Variants in SMIM41 observed in about 807,000 individuals in gnomAD.
SMIM41 encodes small integral membrane protein 41.
intron 2 of SMIM41, among the ~76,000 whole-genome samples, chr12:52,099,206 C>G (rs1940166087): frequency 1.3e-5 from 2 of 151,670 alleles, no homozygotes; most frequent in Admixed American, 1.3e-4. Context: ...TGTACACTCC[C>G]TGCAACATGA....
chr12:52,086,419 C>T (rs1301548696), intron 2 of SMIM41, among the ~76,000 whole-genome samples: 1 of 152,228 alleles, frequency 6.6e-6, no homozygotes, highest in Non-Finnish European at 1.5e-5. Context: ...TTAGAATATA[C>T]TCTTTCATGC....
intron 2 of SMIM41, among the ~76,000 whole-genome samples, chr12:52,106,138 T>C (rs1940334899): frequency 6.6e-6 from 1 of 152,192 alleles, no homozygotes; most frequent in Admixed American, 6.5e-5. Flanking sequence ...AGACAGGACA[T>C]TTTATTTTGT....
At chr12:52,101,962 C>T (rs1940225680) in intron 2 of SMIM41, among the ~76,000 whole-genome samples, 1 of 152,200 alleles carries the variant, frequency 6.6e-6, no homozygotes, top group African/African-American at 2.4e-5. Flanking sequence ...ATCCGCCCAC[C>T]TCGGCCTCCC....
intron 2 of SMIM41, chr12:52,093,742 C>G (rs1940042100): frequency 6.6e-6 from 1 of 152,234 alleles, no homozygotes; most frequent in Admixed American, 6.5e-5. Flanking sequence ...TGGCTGAAGA[C>G]TGTCAGGTCG....
intron 2 of SMIM41, among the ~76,000 whole-genome samples, chr12:52,105,440 A>G (rs544036099): frequency 3.6e-4 from 55 of 152,306 alleles, no homozygotes; most frequent in Middle Eastern, 3.4e-3. Context: ...CCTGTGGTTA[A>G]GACCTCTGAG....
chr12:52,108,218 C>T lies in SMIM41; in HGVS notation c.*1035C>T. 1 of 187,690 alleles carries T rather than the reference C, an allele frequency of 5.3e-6. No homozygotes were observed. Among genetic ancestry groups the T allele is most frequent in the Non-Finnish European group, 1.1e-5 (1 of 90,990 alleles). The allele number at this position is 187,690 out of a possible 1,614,324, so 11.6% of individuals were successfully genotyped here. A position where few individuals can be genotyped will look rare whatever the true frequency, so the allele number is the denominator to read the frequency against. On this transcript the variant is annotated 3_prime_UTR_variant, in exon 3 of 3. Transcript: ENST00000546390. The stretch of plus-strand genomic sequence containing the variant: ...ACCCCTTTATCTACAGCCTGGGAAA[C>T]AGGGATATTAAAAGTGTCTTGCGGC...
intron 2 of SMIM41, among the ~76,000 whole-genome samples, chr12:52,102,359 A>G (rs912925382): frequency 2.6e-5 from 4 of 152,256 alleles, no homozygotes; most frequent in African/African-American, 9.6e-5. Context: ...CATAGGCAAC[A>G]AAAGAAAATT....
intron 2 of SMIM41, chr12:52,092,421 G>T (rs952978257): frequency 6.6e-6 from 1 of 152,124 alleles, no homozygotes; most frequent in South Asian, 2.1e-4. Flanking sequence ...GTCCTCTAGC[G>T]CCAAGGGACT....
At chr12:52,097,875 G>T (rs1411979250) in intron 2 of SMIM41, among the ~76,000 whole-genome samples, 1 of 151,720 alleles carries the variant, frequency 6.6e-6, no homozygotes, top group Non-Finnish European at 1.5e-5. Context: ...TTTCTTCCCC[G>T]CTGGATATTA....
intron 2 of SMIM41, among the ~76,000 whole-genome samples, chr12:52,085,690 C>CAGTACTAT (rs3085907): frequency 2.0e-5 from 3 of 152,064 alleles, no homozygotes; most frequent in East Asian, 1.9e-4. Flanking sequence ...AACAGTACTA[C>CAGTACTAT]GCTGAGAGTA....
At chr12:52,087,841 C>T (rs1161295006) in intron 2 of SMIM41, among the ~76,000 whole-genome samples, 1 of 152,208 alleles carries the variant, frequency 6.6e-6, no homozygotes, top group East Asian at 1.9e-4. Flanking sequence ...TAGGCCTGCC[C>T]TTGGGGCATC....
chr12:52,099,365 G>A (rs6580854), intron 2 of SMIM41, among the ~76,000 whole-genome samples: 11,162 of 151,830 alleles, frequency 0.074, 1,327 homozygotes, highest in African/African-American at 0.25. Flanking sequence ...GCGATATTGG[G>A]AGTAATATCA....
At chr12:52,090,105 C>G (rs1156987466) in intron 2 of SMIM41, among the ~76,000 whole-genome samples, 1 of 152,096 alleles carries the variant, frequency 6.6e-6, no homozygotes, top group East Asian at 1.9e-4. Flanking sequence ...GAGAATTGCT[C>G]TGTTGCCAAG....
intron 2 of SMIM41, among the ~76,000 whole-genome samples, chr12:52,084,576 G>A (rs1939866112): frequency 6.6e-6 from 1 of 152,168 alleles, no homozygotes; most frequent in African/African-American, 2.4e-5. Flanking sequence ...AACTCACAGA[G>A]GAAGTGGCAT....
At chr12:52,104,519 G>A (rs573680285) in intron 2 of SMIM41, among the ~76,000 whole-genome samples, 17 of 152,226 alleles carry the variant, frequency 1.1e-4, no homozygotes, top group Admixed American at 5.2e-4. Context: ...AGAGGGGAAG[G>A]GCAGTTCAGT....
intron 1 of SMIM41, among the ~76,000 whole-genome samples, 164 bp from the exon 2 acceptor site, chr12:52,083,729 CA>C (rs758336286): frequency 5.3e-5 from 8 of 152,178 alleles, no homozygotes; most frequent in Non-Finnish European, 1.2e-4. Context: ...TTCTAGATTG[CA>C]AAACTTTCCT....
chr12:52,082,279 G>C (rs2641520), intron 1 of SMIM41, among the ~76,000 whole-genome samples: 17,384 of 152,172 alleles, frequency 0.11, 3,257 homozygotes, highest in African/African-American at 0.4. Flanking sequence ...GGTGTAGAGT[G>C]ATTTGGTGCC....
In SMIM41 at chr12:52,107,777, C is replaced by CTTT. The variant is rs113847495; in HGVS notation, c.*602_*604dup. On this transcript the variant is annotated 3_prime_UTR_variant, in exon 3 of 3. Transcript: ENST00000546390. ...TTCTGTGGCTTCCTAGTTTTGCTGTCTTTTTTTTTTCTCAGTCTTTTAGAC... is the reference window on the plus strand; with the variant it reads ...TTCTGTGGCTTCCTAGTTTTGCTGTCTTTTTTTTTTTTTCTCAGTCTTTTAGAC... 1.6e-3 allele frequency: 565 copies of CTTT among 346,132 alleles called. 2 individuals are homozygous for CTTT. Among genetic ancestry groups the CTTT allele is most frequent in the African/African-American group, 7.4e-3 (341 of 45,962 alleles). 21.4% of individuals were successfully genotyped at this position (346,132 alleles called of 1,614,324 possible).
At chr12:52,084,345 C>T (rs1939861656) in intron 2 of SMIM41, among the ~76,000 whole-genome samples, 1 of 149,188 alleles carries the variant, frequency 6.7e-6, no homozygotes, top group African/African-American at 2.5e-5. Context: ...AGCAAGACTC[C>T]ATCTCAAAAC....
Sources: gnomAD v4.1 joint callset for allele counts (sites outside exome capture counted in the v4.1 genomes callset) on GRCh38, gnomAD v4.1.1 for gene constraint, MANE v1.5 for transcripts, NCBI Gene and HGNC (gene_info 2026-07-23, HGNC 2026-07-21) for gene names.